MCF2L: variants seen among roughly 807,000 people sequenced by gnomAD.
The protein encoded by MCF2L is guanine nucleotide exchange factor DBS.
In MCF2L, 97 loss-of-function variants were observed where a neutral mutation model predicts 153.4. That is an observed-to-expected ratio of 0.63 (90% CI 0.54 to 0.75). The LOEUF (loss-of-function observed/expected upper bound fraction) is 0.75. MCF2L is among the 30% of genes least tolerant of loss of function. The pLI is 0.00. For missense variants in MCF2L, 1,347 were observed against 1,495.2 expected (o/e 0.90, Z 1.64); for synonymous variants, 659 against 632.2 (o/e 1.04, Z -0.64).
At chr13:113,017,634 C>T (rs1027242763) in intron 2 of MCF2L, among the ~76,000 whole-genome samples, 20 of 152,210 alleles carry the variant, frequency 1.3e-4, no homozygotes, top group Non-Finnish European at 2.5e-4. Context: ...CAGCTGCCCT[C>T]AAGGGGGCTC....
At chr13:112,905,658 G>A (rs2081165644) in intron 2 of MCF2L, among the ~76,000 whole-genome samples, 1 of 152,144 alleles carries the variant, frequency 6.6e-6, no homozygotes, top group Non-Finnish European at 1.5e-5. Flanking sequence ...GTAACTGGAG[G>A]TTATTACACT....
At chr13:113,033,127 GTGAGTGGCCCCCGTGACA>G in intron 3 of MCF2L, among the ~76,000 whole-genome samples, 1 of 142,614 alleles carries the variant, frequency 7.0e-6, no homozygotes, top group African/African-American at 2.7e-5. Context: ...CCCCCGTGAT[GTGAGTGGCCCCCGTGACA>G]TTAGTGGACC....
rs1183647613 is a variant in MCF2L, at chr13:112,959,079, G to A, written c.170-55684G>A. On this transcript the variant is annotated intron_variant, in intron 2 of 29. Coordinates refer to the MCF2L transcript ENST00000375608. ...CCAAATGCCTGGTAGTGGTATTGCGGATAAATGTTAACCTAGAGGTTTTTA... is the reference window on the plus strand; with the variant it reads ...CCAAATGCCTGGTAGTGGTATTGCGAATAAATGTTAACCTAGAGGTTTTTA... 6.6e-5 allele frequency among the ~76,000 whole-genome samples: 10 copies of A among 152,354 alleles called. No homozygotes were observed. In the East Asian group the frequency reaches 1.7e-3, roughly 26 times the overall value.
At chr13:113,086,509 G>A (rs2034651844) in intron 21 of MCF2L, among the ~76,000 whole-genome samples, 1 of 152,144 alleles carries the variant, frequency 6.6e-6, no homozygotes, top group Admixed American at 6.5e-5. Flanking sequence ...TGGAGGGCAC[G>A]CATCTCCAGC....
chr13:113,095,221 T>G (rs997195746), intron 27 of MCF2L: 1 of 1,222,738 alleles, frequency 8.2e-7, no homozygotes, highest in African/African-American at 1.6e-5. Context: ...CACCAAGAAG[T>G]GTCTGCTGCA....
At position 112,904,857 on chromosome 13, in the gene MCF2L, G is replaced by A. The variant is rs978312385; in HGVS notation, c.169+2486G>A. Among the ~76,000 whole-genome samples, 9 of 152,278 alleles carry A rather than the reference G, an allele frequency of 5.9e-5. No homozygotes were observed. Among genetic ancestry groups the A allele is most frequent in the Non-Finnish European group, 1.3e-4 (9 of 68,044 alleles). ...GTCCTAGCCCAGCTGGCTGGAGACA[G>A]TTGGTGGTGATGAAACCTGTTTGTA... On this transcript the variant is annotated intron_variant, in intron 2 of 29. Coordinates refer to the MCF2L transcript ENST00000375608. This position sits in a 1 kb window ranked among gnomAD's most constrained non-coding sequence, Gnocchi z 4.2.
chr13:112,955,152 G>A (rs2140727620), intron 2 of MCF2L, among the ~76,000 whole-genome samples: 1 of 152,300 alleles, frequency 6.6e-6, no homozygotes, highest in African/African-American at 2.4e-5. Context: ...AGAGGAGTGA[G>A]GGGCTTCATG....
At chr13:112,971,757 A>G (rs2082044830) in intron 1 of MCF2L, among the ~76,000 whole-genome samples, 3 of 152,214 alleles carry the variant, frequency 2.0e-5, no homozygotes, top group African/African-American at 7.2e-5. Flanking sequence ...ATCTTCAGTA[A>G]CAAGGCCAGG....
At chr13:113,059,025 T>C (rs1485968273) in intron 4 of MCF2L, among the ~76,000 whole-genome samples, 1 of 150,542 alleles carries the variant, frequency 6.6e-6, no homozygotes, top group African/African-American at 2.4e-5. Context: ...TGCTGAGTGT[T>C]TGGGTGCTGA....
At chr13:112,995,072 C>A (rs961559633) in intron 1 of MCF2L, among the ~76,000 whole-genome samples, 2 of 152,208 alleles carry the variant, frequency 1.3e-5, no homozygotes, top group African/African-American at 4.8e-5. Context: ...CTCTGACCTG[C>A]GTGGCACTCA....
intron 3 of MCF2L, chr13:113,026,999 A>T: frequency 1.3e-6 from 1 of 779,124 alleles, no homozygotes; most frequent in Non-Finnish European, 2.4e-6. Context: ...CTCACACCAG[A>T]CAGTGTAGTT....
chr13:113,096,450 T>C lies in MCF2L; in HGVS notation c.3155T>C (p.Val1052Ala). The C allele has an allele frequency of 6.3e-7, 1 of 1,593,580 alleles. No individual in the cohort carries two copies. Among genetic ancestry groups the C allele is most frequent in the Non-Finnish European group, 8.5e-7 (1 of 1,171,354 alleles). The change falls in exon 28 of 30, where the codon GTG becomes GCG. Residue 1052 changes from valine to alanine, a missense_variant. Coordinates refer to ENST00000535094, the MANE Select transcript of MCF2L (RefSeq NM_001112732.3). Reference protein sequence around the residue: ...DALRVRSGDVVELVQEGDEGL... With the variant: ...DALRVRSGDVAELVQEGDEGL... ...CTGCGCGTGAGGAGCGGGGACGTGGTGGAGCTGGTGCAGGAGGGCGACGAG... is the reference window on the plus strand; with the variant it reads ...CTGCGCGTGAGGAGCGGGGACGTGGCGGAGCTGGTGCAGGAGGGCGACGAG...
intron 2 of MCF2L, among the ~76,000 whole-genome samples, chr13:112,939,249 G>A (rs953376710): frequency 7.2e-5 from 11 of 152,142 alleles, no homozygotes; most frequent in South Asian, 6.2e-4. Context: ...GAGGGCCTCC[G>A]GCAGGTTTCT....
chr13:113,018,802 C>A (rs2084697022), intron 2 of MCF2L, among the ~76,000 whole-genome samples: 1 of 152,236 alleles, frequency 6.6e-6, no homozygotes, highest in African/African-American at 2.4e-5. Flanking sequence ...AACGCAGAGG[C>A]CACCGCCACT....
chr13:112,922,575 G>A (rs1388267662), intron 2 of MCF2L, among the ~76,000 whole-genome samples: 2 of 151,912 alleles, frequency 1.3e-5, no homozygotes, highest in Admixed American at 6.6e-5. Context: ...GCTCACGCCT[G>A]TAATCCTAGC....
At chr13:113,023,206 C>T (rs369732043) in intron 2 of MCF2L, among the ~76,000 whole-genome samples, 10 of 152,208 alleles carry the variant, frequency 6.6e-5, no homozygotes, top group African/African-American at 2.2e-4. Flanking sequence ...CATGAGCCCT[C>T]AAAGGAGGTT....
At chr13:112,995,019 A>C (rs970734307) in intron 1 of MCF2L, among the ~76,000 whole-genome samples, 1 of 152,124 alleles carries the variant, frequency 6.6e-6, no homozygotes, top group Admixed American at 6.5e-5. Flanking sequence ...GCCTCCCTCC[A>C]TCCCCTCCTG....
chr13:112,948,999 T>C (rs1339516787), intron 2 of MCF2L, among the ~76,000 whole-genome samples: 1 of 152,138 alleles, frequency 6.6e-6, no homozygotes. Context: ...GAAGCGGAGG[T>C]TGCAGTGGGC....
intron 5 of MCF2L, among the ~76,000 whole-genome samples, chr13:113,062,765 C>T (rs1240788345): frequency 4.6e-5 from 7 of 152,200 alleles, no homozygotes; most frequent in South Asian, 2.1e-4. Context: ...CCTCTGCTGC[C>T]GTGACTGACT....
Sources: allele counts gnomAD v4.1 joint callset (sites outside exome capture counted in the v4.1 genomes callset), GRCh38; gene constraint gnomAD v4.1.1; non-coding constraint Gnocchi (gnomAD v3.1); transcripts MANE v1.5; gene names NCBI Gene and HGNC (gene_info 2026-07-23, HGNC 2026-07-21).